RELN: variants seen among roughly 807,000 people sequenced by gnomAD.
RELN encodes reelin.
RELN carries 108 observed loss-of-function variants against 427.6 expected under a neutral mutation model. That is an observed-to-expected ratio of 0.25 (90% CI 0.22 to 0.30). RELN has a LOEUF of 0.30. Among genes scored for constraint, RELN ranks in the 10% least tolerant of loss-of-function variants. The pLI is 1.00. For missense variants in RELN, 3,715 were observed against 4,302.8 expected (o/e 0.86, Z 3.82); for synonymous variants, 1,524 against 1,513.4 (o/e 1.01, Z -0.16).
chr7:103,689,853 A>G (rs567978902), intron 10 of RELN, among the ~76,000 whole-genome samples: 5 of 152,126 alleles, frequency 3.3e-5, no homozygotes, highest in Non-Finnish European at 5.9e-5. Context: ...GAAAACTTAC[A>G]TCTAATGTTT....
intron 22 of RELN, among the ~76,000 whole-genome samples, chr7:103,605,030 A>G (rs1304057875): frequency 3.3e-5 from 5 of 152,142 alleles, no homozygotes; most frequent in Non-Finnish European, 4.4e-5. Flanking sequence ...GGGTTTCACC[A>G]TGTTGGCCAG....
At chr7:103,784,066 C>T (rs113025252) in intron 3 of RELN, among the ~76,000 whole-genome samples, 3,977 of 152,172 alleles carry the variant, frequency 0.026, 88 homozygotes, top group Non-Finnish European at 0.038. Context: ...GGAAGATACC[C>T]ACAAGCAGAT....
intron 51 of RELN, among the ~76,000 whole-genome samples, chr7:103,509,517 A>C (rs1038681866): frequency 1.3e-5 from 2 of 152,250 alleles, no homozygotes; most frequent in African/African-American, 2.4e-5. Context: ...GATGGATTAA[A>C]GATTTAAATG....
chr7:103,938,247 G>C (rs1171994774), intron 1 of RELN, among the ~76,000 whole-genome samples: 1 of 151,992 alleles, frequency 6.6e-6, no homozygotes, highest in Non-Finnish European at 1.5e-5. Context: ...TTGAACCCAG[G>C]AGGTGGAGGT....
chr7:103,789,061 A>C (rs901992810), intron 3 of RELN, among the ~76,000 whole-genome samples: 1 of 152,198 alleles, frequency 6.6e-6, no homozygotes, highest in African/African-American at 2.4e-5. Flanking sequence ...CTGATCTTTG[A>C]CAAACCTGAC....
chr7:103,901,780 A>T (rs754729874), intron 2 of RELN, among the ~76,000 whole-genome samples: 4 of 151,924 alleles, frequency 2.6e-5, no homozygotes, highest in Non-Finnish European at 5.9e-5. Context: ...TAGATACAGG[A>T]TTTTTTTCTG....
At chr7:103,666,494 C>T (rs1833271019) in intron 11 of RELN, among the ~76,000 whole-genome samples, 2 of 152,130 alleles carry the variant, frequency 1.3e-5, no homozygotes, top group South Asian at 4.1e-4. Context: ...TCTCTTATCT[C>T]AATTGGAATG....
chr7:103,640,812 T>G lies in RELN; in HGVS notation c.2003-203A>C, dbSNP rs362703. ...GTCACAAGTTATACAGATAATCCTT[T>G]TAAGATTTTAACATTTCATATCAAA... On this transcript the variant is annotated intron_variant, in intron 16 of 64. Transcript: ENST00000428762. The surrounding 1 kb of genome is among the most constrained non-coding windows in gnomAD (Gnocchi z 4.1). Among the ~76,000 whole-genome samples the G allele has an allele frequency of 6.2e-4, 94 of 152,320 alleles. No homozygotes were observed. The highest frequency in any genetic ancestry group is 2.2e-3 in the African/African-American group (93 of 41,574).
chr7:103,935,825 G>A (rs747664845), intron 1 of RELN, among the ~76,000 whole-genome samples: 8 of 152,084 alleles, frequency 5.3e-5, no homozygotes, highest in Admixed American at 1.3e-4. Flanking sequence ...CTGACCTTAT[G>A]GGGCATAAAA....
At chr7:103,909,672 TTAA>T (rs1563084655) in intron 2 of RELN, among the ~76,000 whole-genome samples, 991 of 81,268 alleles carry the variant, frequency 0.012, 97 homozygotes, top group African/African-American at 0.049. Context: ...TAAATATATA[TTAA>T]ATATATTTAA....
intron 5 of RELN, among the ~76,000 whole-genome samples, chr7:103,752,481 C>T (rs934941611): frequency 6.6e-6 from 1 of 152,008 alleles, no homozygotes; most frequent in African/African-American, 2.4e-5. Flanking sequence ...ACAATCATAG[C>T]TTGCTGCAGC....
intron 2 of RELN, among the ~76,000 whole-genome samples, chr7:103,861,281 T>C (rs1016038839): frequency 6.6e-6 from 1 of 152,136 alleles, no homozygotes; most frequent in Non-Finnish European, 1.5e-5. Context: ...CTCAAATCCC[T>C]GGTATACTAA....
intron 3 of RELN, among the ~76,000 whole-genome samples, chr7:103,786,517 C>CAAAAAA (rs66567252): frequency 3.0e-5 from 3 of 98,586 alleles, no homozygotes; most frequent in Non-Finnish European, 6.1e-5. Flanking sequence ...AAAATGGAAC[C>CAAAAAA]AAAAAAAAAA....
intron 2 of RELN, among the ~76,000 whole-genome samples, chr7:103,850,253 A>G (rs1020653068): frequency 1.3e-5 from 2 of 152,188 alleles, no homozygotes; most frequent in African/African-American, 4.8e-5. Context: ...CCCAGGAGAC[A>G]CCCCAAATAC....
At chr7:103,723,475 G>T (rs1185138676) in intron 7 of RELN, among the ~76,000 whole-genome samples, 1 of 152,094 alleles carries the variant, frequency 6.6e-6, no homozygotes, top group Non-Finnish European at 1.5e-5. Flanking sequence ...AATCCAGCAG[G>T]TTATCTTGTG....
chr7:103,594,514 A>G (rs767597108), intron 25 of RELN, 22 bp from the exon 26 acceptor site: 6 of 1,611,284 alleles, frequency 3.7e-6, no homozygotes, highest in Non-Finnish European at 5.1e-6. Flanking sequence ...TAAATCATTT[A>G]CGGTTGGGAA....
At chr7:103,593,138 T>C (rs1831458672) in intron 27 of RELN, among the ~76,000 whole-genome samples, 1 of 152,312 alleles carries the variant, frequency 6.6e-6, no homozygotes, top group South Asian at 2.1e-4. Flanking sequence ...GAAATTTTGA[T>C]TAGGGTTCTG....
At chr7:103,750,115 G>T (rs620774) in intron 5 of RELN, among the ~76,000 whole-genome samples, 2 of 151,914 alleles carry the variant, frequency 1.3e-5, no homozygotes, top group Non-Finnish European at 2.9e-5. Context: ...GAGTAGCTGG[G>T]ATTACAGGTG....
intron 6 of RELN, 113 bp from the exon 7 acceptor site, chr7:103,728,320 T>A: frequency 9.9e-7 from 1 of 1,010,502 alleles, no homozygotes; most frequent in South Asian, 1.3e-5. Flanking sequence ...ATCACCATTT[T>A]GAGGAAAGTA....
Sources: gnomAD v4.1 joint callset for allele counts (sites outside exome capture counted in the v4.1 genomes callset) on GRCh38, gnomAD v4.1.1 for gene constraint, Gnocchi (gnomAD v3.1) non-coding constraint, MANE v1.5 for transcripts, NCBI Gene and HGNC (gene_info 2026-07-23, HGNC 2026-07-21) for gene names.